PDE4B: variants seen among roughly 807,000 people sequenced by gnomAD.
The protein encoded by PDE4B is 3',5'-cyclic-AMP phosphodiesterase 4B.
A neutral mutation model predicts 82.2 loss-of-function variants in PDE4B; 20 were observed. The observed-to-expected ratio is 0.24, with a 90% CI of 0.17 to 0.35. PDE4B has a LOEUF of 0.35. PDE4B is among the 10% of genes least tolerant of loss of function. The probability of loss-of-function intolerance (pLI) is 1.00; values close to 1 mark genes in which losing one functional copy is unlikely to be tolerated. For missense variants in PDE4B, 655 were observed against 907.2 expected (o/e 0.72, Z 3.57); for synonymous variants, 320 against 318.9 (o/e 1.00, Z -0.04).
chr1:65,991,630 C>T (rs796104276), intron 3 of PDE4B, among the ~76,000 whole-genome samples: 3 of 152,280 alleles, frequency 2.0e-5, no homozygotes, highest in Admixed American at 6.5e-5. Context: ...TCTACTTCCT[C>T]ATATGCCTTT....
intron 3 of PDE4B, among the ~76,000 whole-genome samples, chr1:65,946,266 C>T (rs1648707954): frequency 6.6e-6 from 1 of 151,970 alleles, no homozygotes; most frequent in South Asian, 2.1e-4. Flanking sequence ...ACATCCTATC[C>T]ATGTTATGGT....
intron 3 of PDE4B, among the ~76,000 whole-genome samples, chr1:66,162,175 G>A (rs1646627132): frequency 6.6e-6 from 1 of 152,006 alleles, no homozygotes; most frequent in South Asian, 2.1e-4. Context: ...GTGTAACGTG[G>A]TCAGTGCTAA....
chr1:66,357,836 C>T lies in PDE4B; in HGVS notation c.841+2216C>T, dbSNP rs145990616. Reference sequence around the variant, plus strand: ...ACTGGTATAGATGACATCTCAAATCCCTTCCAACTCTAACTTACTATAACT... The same window carrying T: ...ACTGGTATAGATGACATCTCAAATCTCTTCCAACTCTAACTTACTATAACT... On this transcript the variant is annotated intron_variant, in intron 9 of 16. Transcript: ENST00000341517. Among the ~76,000 whole-genome samples the T allele has an allele frequency of 5.6e-4, 85 of 152,150 alleles. 1 individual carries two copies. Among genetic ancestry groups the T allele is most frequent in the Admixed American group, 1.5e-3 (23 of 15,282 alleles).
At chr1:66,331,872 A>G in intron 7 of PDE4B, 6 of 985,764 alleles carry the variant, frequency 6.1e-6, no homozygotes, top group Non-Finnish European at 7.2e-6. Context: ...ATTAAAGGAA[A>G]GATTTAAGGG....
rs143088354 is a variant in PDE4B at position 66,325,758 on chromosome 1, A to G, written c.635-6750A>G. 2.6e-5 allele frequency among the ~76,000 whole-genome samples: 4 copies of G among 152,152 alleles called. No homozygotes were observed. In the South Asian group the frequency reaches 6.2e-4, roughly 24 times the overall value. On this transcript the variant is annotated intron_variant, in intron 7 of 16. Coordinates refer to ENST00000341517, the MANE Select transcript of PDE4B (RefSeq NM_002600.4). ...TGTCAATGACTCAGCTGTCAAATAC[A>G]TGTCAATATATCATCAGGAAAGTGA... is the stretch of plus-strand genomic sequence containing the variant.
Position 65,886,484 on chromosome 1 carries a change from A to G in PDE4B, c.-70-26761A>G, listed in dbSNP as rs558455725. On this transcript the variant is annotated intron_variant, in intron 1 of 16. Transcript: ENST00000341517. Reference sequence around the variant, plus strand: ...TTGAACATTAGAACTTATTCCTTCTATCTAACTCTATGCCTGTACTCATAA... The same window carrying G: ...TTGAACATTAGAACTTATTCCTTCTGTCTAACTCTATGCCTGTACTCATAA... 7.2e-5 allele frequency among the ~76,000 whole-genome samples: 11 copies of G among 152,272 alleles called. 1 individual carries two copies. Among genetic ancestry groups the G allele is most frequent in the Admixed American group, 2.0e-4 (3 of 15,286 alleles).
intron 3 of PDE4B, among the ~76,000 whole-genome samples, chr1:65,980,201 C>A (rs1390246284): frequency 1.3e-5 from 2 of 152,090 alleles, no homozygotes; most frequent in Non-Finnish European, 2.9e-5. Context: ...GCACAAAAAA[C>A]CATCACCACT....
chr1:65,918,547 G>T (rs781494728), intron 2 of PDE4B, 50 bp from the exon 3 acceptor site: 2 of 1,104,384 alleles, frequency 1.8e-6, no homozygotes, highest in Middle Eastern at 2.0e-4. Context: ...TTTAACATTT[G>T]AATTTCATTT....
intron 3 of PDE4B, among the ~76,000 whole-genome samples, chr1:66,040,845 A>C (rs1293355955): frequency 6.6e-6 from 1 of 151,882 alleles, no homozygotes; most frequent in Non-Finnish European, 1.5e-5. Flanking sequence ...CCCTTAGCCT[A>C]AAGTATGGAG....
intron 1 of PDE4B, among the ~76,000 whole-genome samples, chr1:65,825,708 A>ATCTG (rs1405205098): frequency 1.1e-5 from 1 of 87,670 alleles, no homozygotes; most frequent in East Asian, 3.4e-4. Flanking sequence ...AAAATTACCT[A>ATCTG]TCTATCTATC....
At chr1:65,824,272 A>G (rs1400115332) in intron 1 of PDE4B, among the ~76,000 whole-genome samples, 2 of 152,154 alleles carry the variant, frequency 1.3e-5, no homozygotes, top group Non-Finnish European at 2.9e-5. Context: ...AGATAAAAGG[A>G]GACCATTGGC....
intron 3 of PDE4B, chr1:66,063,096 G>C (rs1377688444): frequency 1.3e-5 from 2 of 151,930 alleles, no homozygotes; most frequent in Non-Finnish European, 2.9e-5. Flanking sequence ...TAGCTTATTT[G>C]CACACAGCGG....
rs555116615 is a variant in PDE4B at position 66,129,526 on chromosome 1, G to A, written c.282-117934G>A. ...CAAAAAAAAATTAGCCGGGCGTAGT[G>A]GCGGGCGCCTGTAGTCCCAGCTACT... On this transcript the variant is annotated intron_variant, in intron 3 of 16. Coordinates refer to ENST00000341517, the MANE Select transcript of PDE4B (RefSeq NM_002600.4). Among the ~76,000 whole-genome samples the A allele has an allele frequency of 4.0e-5, 6 of 150,716 alleles. No homozygotes were observed. In the East Asian group the frequency reaches 1.2e-3, roughly 29 times the overall value.
intron 6 of PDE4B, among the ~76,000 whole-genome samples, chr1:66,263,897 G>A (rs943750182): frequency 1.3e-5 from 2 of 152,202 alleles, no homozygotes; most frequent in Non-Finnish European, 1.5e-5. Flanking sequence ...GGAAAAAGAA[G>A]TGTTCAAGTT....
intron 3 of PDE4B, among the ~76,000 whole-genome samples, chr1:66,194,493 T>C (rs550348883): frequency 6.6e-6 from 1 of 152,150 alleles, no homozygotes; most frequent in South Asian, 2.1e-4. Flanking sequence ...ATTCCCCAAT[T>C]TATAAAAATC....
intron 3 of PDE4B, among the ~76,000 whole-genome samples, chr1:66,089,969 C>T (rs928610882): frequency 6.6e-6 from 1 of 151,978 alleles, no homozygotes; most frequent in African/African-American, 2.4e-5. Context: ...TCAAAATCTA[C>T]TTATGGAAAA....
intron 7 of PDE4B, among the ~76,000 whole-genome samples, chr1:66,283,511 C>T (rs1656440285): frequency 6.6e-6 from 1 of 152,092 alleles, no homozygotes; most frequent in Admixed American, 6.6e-5. Flanking sequence ...AATGTTTCTA[C>T]TATGCGCAAA....
At chr1:65,797,590 G>A (rs1645646167) in intron 1 of PDE4B, among the ~76,000 whole-genome samples, 1 of 152,168 alleles carries the variant, frequency 6.6e-6, no homozygotes, top group Admixed American at 6.5e-5. Flanking sequence ...GCCACCTGAA[G>A]GGGAAGAAGA....
chr1:66,060,444 A>G (rs1655525328), intron 3 of PDE4B, among the ~76,000 whole-genome samples: 1 of 152,222 alleles, frequency 6.6e-6, no homozygotes, highest in African/African-American at 2.4e-5. Flanking sequence ...TGTGGTAGTC[A>G]TTAGCCAGAC....
Sources: allele counts gnomAD v4.1 joint callset (sites outside exome capture counted in the v4.1 genomes callset), GRCh38; gene constraint gnomAD v4.1.1; transcripts MANE v1.5; gene names NCBI Gene and HGNC (gene_info 2026-07-23, HGNC 2026-07-21).